KLHL1: variants seen among roughly 807,000 people sequenced by gnomAD.
KLHL1 encodes the protein kelch-like protein 1.
Under a neutral mutation model 77.7 loss-of-function variants are expected in KLHL1, and 47 were observed. The ratio of observed to expected loss-of-function variants is 0.60; its 90% CI spans 0.48 to 0.77. KLHL1 has a LOEUF of 0.77. KLHL1 is among the 30% of genes least tolerant of loss of function. KLHL1 has a pLI of 0.00. For missense variants in KLHL1, 925 were observed against 910.8 expected (o/e 1.02, Z -0.20); for synonymous variants, 360 against 325.2 (o/e 1.11, Z -1.15).
intron 1 of KLHL1, among the ~76,000 whole-genome samples, chr13:70,051,302 T>C (rs1445001063): frequency 1.3e-5 from 2 of 152,040 alleles, no homozygotes; most frequent in African/African-American, 2.4e-5. Flanking sequence ...ATCACAATTC[T>C]TTTTCTGTGT....
chr13:69,805,682 G>GAAAAAAAAAA (rs1286402580), intron 6 of KLHL1, among the ~76,000 whole-genome samples: 1 of 139,248 alleles, frequency 7.2e-6, no homozygotes. Context: ...AGCTCTAGAT[G>GAAAAAAAAAA]AAAAAAAACA....
intron 5 of KLHL1, among the ~76,000 whole-genome samples, chr13:69,854,417 A>G (rs2138137183): frequency 6.6e-6 from 1 of 152,062 alleles, no homozygotes; most frequent in Admixed American, 6.6e-5. Flanking sequence ...GTGAAAACTA[A>G]CTTACTACCA....
chr13:69,827,708 C>T (rs767893077), intron 6 of KLHL1, among the ~76,000 whole-genome samples: 20 of 132,506 alleles, frequency 1.5e-4, no homozygotes, highest in Admixed American at 2.6e-4. Flanking sequence ...TCCAGCCTGG[C>T]GACAGAGCGA....
At chr13:69,997,670 A>G (rs1885190178) in intron 1 of KLHL1, among the ~76,000 whole-genome samples, 1 of 101,906 alleles carries the variant, frequency 9.8e-6, no homozygotes, top group Admixed American at 1.1e-4. Context: ...AATATATTAT[A>G]TATAATATTA....
In KLHL1 at chr13:69,926,425, C is replaced by T. The variant is rs528343337; in HGVS notation, c.1014+13615G>A. 3.9e-5 allele frequency among the ~76,000 whole-genome samples: 6 copies of T among 152,144 alleles called. No individual in the cohort carries two copies. In the East Asian group the frequency reaches 1.2e-3, roughly 29 times the overall value. Reference sequence around the variant, plus strand: ...TAATTACATCAATATACCAACAAAGCACCTGAGTATCTATAAAATAAGAAC... The same window carrying T: ...TAATTACATCAATATACCAACAAAGTACCTGAGTATCTATAAAATAAGAAC... On this transcript the variant is annotated intron_variant, in intron 4 of 10. Transcript: ENST00000377844.
intron 4 of KLHL1, among the ~76,000 whole-genome samples, chr13:69,916,136 T>C (rs1241184187): frequency 1.3e-5 from 2 of 152,032 alleles, no homozygotes; most frequent in African/African-American, 4.8e-5. Flanking sequence ...TTTTACACTG[T>C]TGGTGGGACT....
chr13:70,045,827 TTAAGAG>T (rs1406415001), intron 1 of KLHL1, among the ~76,000 whole-genome samples: 2 of 149,728 alleles, frequency 1.3e-5, no homozygotes, highest in African/African-American at 4.9e-5. Context: ...TTTCATAAGA[TTAAGAG>T]TATCTGCATA....
At chr13:69,796,311 A>G (rs1213652468) in intron 7 of KLHL1, among the ~76,000 whole-genome samples, 1 of 152,186 alleles carries the variant, frequency 6.6e-6, no homozygotes, top group Non-Finnish European at 1.5e-5. Context: ...TTTGATCTCC[A>G]GTGTCAGAGG....
At chr13:69,703,568 T>C (rs1394237174) in intron 10 of KLHL1, among the ~76,000 whole-genome samples, 1 of 151,624 alleles carries the variant, frequency 6.6e-6, no homozygotes, top group Non-Finnish European at 1.5e-5. Context: ...TAGCATATAG[T>C]AATGTCCAAG....
chr13:69,865,155 T>C (rs1481729221), intron 5 of KLHL1, among the ~76,000 whole-genome samples: 1 of 152,106 alleles, frequency 6.6e-6, no homozygotes, highest in African/African-American at 2.4e-5. Flanking sequence ...CTGGCTGATC[T>C]CAAACTCCTG....
At chr13:69,756,699 T>C (rs900123011) in intron 7 of KLHL1, among the ~76,000 whole-genome samples, 3 of 152,214 alleles carry the variant, frequency 2.0e-5, no homozygotes, top group Non-Finnish European at 4.4e-5. Flanking sequence ...ACAGGATTGT[T>C]AGCTGAGGAT....
intron 1 of KLHL1, among the ~76,000 whole-genome samples, chr13:69,978,733 C>T (rs542114004): frequency 2.1e-3 from 320 of 152,144 alleles, no homozygotes; most frequent in Middle Eastern, 3.4e-3. Context: ...GTGATCTGCC[C>T]GCCTTGGCCC....
intron 1 of KLHL1, among the ~76,000 whole-genome samples, chr13:70,065,725 C>G (rs1372283): frequency 0.32 from 48,299 of 151,856 alleles, 8,231 homozygotes; most frequent in African/African-American, 0.44. Context: ...TCTGTCCAAA[C>G]CAGAACATTT....
chr13:70,068,827 G>A (rs375906935), intron 1 of KLHL1, among the ~76,000 whole-genome samples: 1 of 152,274 alleles, frequency 6.6e-6, no homozygotes, highest in African/African-American at 2.4e-5. Context: ...GCTTATGGGT[G>A]AAAAATGTCT....
rs1879185078 is a variant in KLHL1 at position 69,840,094 on chromosome 13, GAATA to G, written c.1228-936_1228-933del. Among the ~76,000 whole-genome samples, 3 of 151,098 alleles carry G rather than the reference GAATA, an allele frequency of 2.0e-5. No homozygotes were observed. In the South Asian group the frequency reaches 6.3e-4, roughly 32 times the overall value. On this transcript the variant is annotated intron_variant, in intron 5 of 10. Coordinates refer to ENST00000377844, the MANE Select transcript of KLHL1 (RefSeq NM_020866.3). ...ATCTGTACACAAATGTTCATTGAAT[GAATA>G]AAAATGGCAGCATGTGACTAATTAA...
intron 7 of KLHL1, among the ~76,000 whole-genome samples, chr13:69,780,703 T>TATATATATATATATATATATAC (rs1876109482): frequency 8.2e-5 from 1 of 12,258 alleles, no homozygotes; most frequent in Non-Finnish European, 1.3e-4. Flanking sequence ...TATATATATG[T>TATATATATATATATATATATAC]ATATATATAT....
intron 7 of KLHL1, among the ~76,000 whole-genome samples, chr13:69,758,287 T>C (rs182988843): frequency 6.6e-6 from 1 of 152,258 alleles, no homozygotes; most frequent in East Asian, 1.9e-4. Context: ...AAGCTAATTT[T>C]AATAATCCTA....
At chr13:70,034,758 A>G (rs973746026) in intron 1 of KLHL1, among the ~76,000 whole-genome samples, 1 of 152,186 alleles carries the variant, frequency 6.6e-6, no homozygotes, top group Admixed American at 6.5e-5. Context: ...CCAGACATAC[A>G]TATATCTAGA....
chr13:69,777,816 G>A (rs1434111917), intron 7 of KLHL1, among the ~76,000 whole-genome samples: 1 of 151,916 alleles, frequency 6.6e-6, no homozygotes, highest in East Asian at 1.9e-4. Flanking sequence ...TAACTAATCT[G>A]GACTTCCTAC....
Sources: allele counts gnomAD v4.1 joint callset (sites outside exome capture counted in the v4.1 genomes callset), GRCh38; gene constraint gnomAD v4.1.1; transcripts MANE v1.5; gene names NCBI Gene and HGNC (gene_info 2026-07-23, HGNC 2026-07-21).